The following PARD3B variants were observed in gnomAD, a reference collection of about 807,000 sequenced individuals.
The protein encoded by PARD3B is par-3 family cell polarity regulator beta.
A neutral mutation model predicts 130.2 loss-of-function variants in PARD3B; 103 were observed. The ratio of observed to expected loss-of-function variants is 0.79; its 90% CI spans 0.67 to 0.93. PARD3B has a LOEUF of 0.93. PARD3B is among the 40% of genes least tolerant of loss of function. PARD3B has a pLI of 0.00. For missense variants in PARD3B, 1,609 were observed against 1,499.2 expected, an observed-to-expected ratio of 1.07 and a Z score of -1.21; for synonymous variants, 583 against 553.2, an observed-to-expected ratio of 1.05 and a Z score of -0.76.
chr2:205,450,542 C>T (rs2048064106), intron 20 of PARD3B, among the ~76,000 whole-genome samples: 2 of 134,046 alleles, frequency 1.5e-5, no homozygotes, highest in East Asian at 2.2e-4. Context: ...GGCATGATCT[C>T]GGCTCACTGC....
chr2:204,824,347 A>G (rs773366488), intron 2 of PARD3B, among the ~76,000 whole-genome samples: 1 of 152,098 alleles, frequency 6.6e-6, no homozygotes, highest in Non-Finnish European at 1.5e-5. Flanking sequence ...TCCTTCTACC[A>G]AAGATCACAG....
chr2:204,614,392 G>T (rs2034035792), intron 1 of PARD3B, among the ~76,000 whole-genome samples: 3 of 151,968 alleles, frequency 2.0e-5, no homozygotes, highest in African/African-American at 7.3e-5. Flanking sequence ...CATATTTCAA[G>T]GGTTCAGGGG....
At chr2:205,267,915 A>G (rs1012973730) in intron 16 of PARD3B, among the ~76,000 whole-genome samples, 13 of 152,212 alleles carry the variant, frequency 8.5e-5, no homozygotes, top group South Asian at 6.2e-4. Context: ...TAACTAATCT[A>G]ATCTCTAAAC....
chr2:205,300,422 T>C lies in PARD3B; in HGVS notation c.2186-108T>C, dbSNP rs2041951996. 2 of 1,068,436 alleles carry C rather than the reference T, an allele frequency of 1.9e-6. No homozygotes were observed. The highest frequency in any genetic ancestry group is 2.9e-5 in the South Asian group (2 of 69,586). 66.2% of individuals were successfully genotyped at this position (1,068,436 alleles called of 1,614,324 possible). A position where few individuals can be genotyped will look rare whatever the true frequency, so the allele number is the denominator to read the frequency against. Reference sequence around the variant, plus strand: ...GAGTATAACCCCAACTCCCACCCACTTAACACCCCTTTTTTGGGATGTCCA... The same window carrying C: ...GAGTATAACCCCAACTCCCACCCACCTAACACCCCTTTTTTGGGATGTCCA... On this transcript the variant is annotated intron_variant, in intron 16 of 22. Transcript: ENST00000406610. This position sits in a 1 kb window ranked among gnomAD's most constrained non-coding sequence, Gnocchi z 4.1.
rs564885830 is a variant in PARD3B, at chr2:205,472,961, A to G, written c.3045-26935A>G. Among the ~76,000 whole-genome samples the G allele has an allele frequency of 2.6e-5, 4 of 152,266 alleles. No homozygotes were observed. In the South Asian group the frequency reaches 8.3e-4, roughly 32 times the overall value. ...GGAGGACCAATAAATAAGTGAATGA[A>G]TAAATGAATGAATGAATGAATGGAA... On this transcript the variant is annotated intron_variant, in intron 20 of 22. Transcript: ENST00000406610.
At chr2:205,005,037 T>G (rs1028654852) in intron 3 of PARD3B, among the ~76,000 whole-genome samples, 13 of 152,156 alleles carry the variant, frequency 8.5e-5, no homozygotes, top group South Asian at 2.1e-4. Flanking sequence ...TTCTGTTCTT[T>G]TAAATCAAGC....
intron 2 of PARD3B, among the ~76,000 whole-genome samples, chr2:204,878,760 T>C (rs956429926): frequency 6.6e-6 from 1 of 152,214 alleles, no homozygotes; most frequent in African/African-American, 2.4e-5. Context: ...GAATGTGAAG[T>C]GGGTCCTGCT....
chr2:205,101,580 A>G (rs1234902101), intron 4 of PARD3B, among the ~76,000 whole-genome samples: 1 of 152,178 alleles, frequency 6.6e-6, no homozygotes, highest in Non-Finnish European at 1.5e-5. Flanking sequence ...ACTTGTACCC[A>G]AATGTTCATG....
chr2:205,532,073 C>A (rs1040246101), intron 21 of PARD3B, among the ~76,000 whole-genome samples: 2 of 152,158 alleles, frequency 1.3e-5, no homozygotes, highest in South Asian at 2.1e-4. Flanking sequence ...TCTGCGAATG[C>A]GCTGGCATAA....
intron 2 of PARD3B, among the ~76,000 whole-genome samples, chr2:204,815,803 A>G (rs773750377): frequency 1.3e-5 from 2 of 151,972 alleles, no homozygotes; most frequent in Non-Finnish European, 2.9e-5. Context: ...TATTTTTCCC[A>G]GACATTTAAA....
At chr2:205,261,666 T>C (rs1225661457) in intron 16 of PARD3B, among the ~76,000 whole-genome samples, 3 of 152,190 alleles carry the variant, frequency 2.0e-5, no homozygotes, top group Non-Finnish European at 2.9e-5. Context: ...GTTCTCGTTA[T>C]ATTTGTAGTT....
intron 18 of PARD3B, among the ~76,000 whole-genome samples, chr2:205,372,171 A>G (rs935982723): frequency 6.6e-6 from 1 of 152,188 alleles, no homozygotes; most frequent in African/African-American, 2.4e-5. Context: ...ATAGATATAT[A>G]TTTAAGAGTG....
intron 3 of PARD3B, among the ~76,000 whole-genome samples, chr2:205,013,703 C>T (rs1695903761): frequency 6.6e-6 from 1 of 152,190 alleles, no homozygotes; most frequent in African/African-American, 2.4e-5. Flanking sequence ...CTTGAGGGCT[C>T]ACTGCCTGCT....
chr2:204,636,947 A>T (rs555019334), intron 1 of PARD3B, among the ~76,000 whole-genome samples: 1 of 152,196 alleles, frequency 6.6e-6, no homozygotes, highest in East Asian at 1.9e-4. Flanking sequence ...ATTCACCAAC[A>T]ATTCTGTCCC....
At chr2:205,302,393 G>C (rs532691256) in intron 18 of PARD3B, among the ~76,000 whole-genome samples, 3 of 152,210 alleles carry the variant, frequency 2.0e-5, no homozygotes, top group African/African-American at 2.4e-5. Context: ...GCCAGGCACA[G>C]TGGTGCATAC....
chr2:205,056,395 T>C (rs1177283044), intron 4 of PARD3B, among the ~76,000 whole-genome samples: 5 of 151,994 alleles, frequency 3.3e-5, no homozygotes, highest in Admixed American at 6.6e-5. Flanking sequence ...AATCACATTT[T>C]AAAAAGTAGC....
chr2:204,780,889 A>T (rs537707429), intron 2 of PARD3B, among the ~76,000 whole-genome samples: 1 of 152,276 alleles, frequency 6.6e-6, no homozygotes, highest in Admixed American at 6.5e-5. Context: ...AGAAAAAAAA[A>T]AAGATATGTC....
Position 204,943,631 on chromosome 2 carries a change from T to G in PARD3B, c.223-21521T>G, listed in dbSNP as rs931805941. 2.0e-5 allele frequency among the ~76,000 whole-genome samples: 3 copies of G among 152,220 alleles called. No individual in the cohort carries two copies. The highest frequency in any genetic ancestry group is 7.2e-5 in the African/African-American group (3 of 41,460). ...TTCTTAAGTTACCCAGTTTGGAATTTATTTTGTTTTATTGTATTGGATTCC... is the reference window on the plus strand; with the variant it reads ...TTCTTAAGTTACCCAGTTTGGAATTGATTTTGTTTTATTGTATTGGATTCC... On this transcript the variant is annotated intron_variant, in intron 2 of 22. Transcript: ENST00000406610. This position sits in a 1 kb window ranked among gnomAD's most constrained non-coding sequence, Gnocchi z 4.2.
At chr2:205,587,503 C>A (rs897977653) in intron 22 of PARD3B, among the ~76,000 whole-genome samples, 5 of 152,138 alleles carry the variant, frequency 3.3e-5, no homozygotes, top group Admixed American at 2.0e-4. Flanking sequence ...AGTTTATACT[C>A]TTTTCCAAAT....
Sources: gnomAD v4.1 joint callset for allele counts (sites outside exome capture counted in the v4.1 genomes callset) on GRCh38, gnomAD v4.1.1 for gene constraint, Gnocchi (gnomAD v3.1) non-coding constraint, MANE v1.5 for transcripts, NCBI Gene and HGNC (gene_info 2026-07-23, HGNC 2026-07-21) for gene names.